Variants in PSME4 observed in about 807,000 individuals in gnomAD.
PSME4 encodes the protein proteasome activator complex subunit 4.
A neutral mutation model predicts 253.9 loss-of-function variants in PSME4; 89 were observed. The observed-to-expected ratio is 0.35, with a 90% CI of 0.30 to 0.42. PSME4 has a LOEUF of 0.42. PSME4 is among the 10% of genes least tolerant of loss of function. PSME4 has a pLI of 1.00. For missense variants in PSME4, 2,014 were observed against 2,195.2 expected (o/e 0.92, Z 1.65); for synonymous variants, 851 against 759.2 (o/e 1.12, Z -1.99).
chr2:53,922,993 C>G, intron 16 of PSME4, 56 bp downstream of exon 16: 1 of 1,311,380 alleles, frequency 7.6e-7, no homozygotes, highest in Non-Finnish European at 1.0e-6. Context: ...GTTTTAGAAA[C>G]CAAGAAAAAA....
chr2:53,962,943 G>C (rs1249055266), intron 1 of PSME4, among the ~76,000 whole-genome samples: 1 of 151,698 alleles, frequency 6.6e-6, no homozygotes, highest in Non-Finnish European at 1.5e-5. Flanking sequence ...CCAGGAAGTG[G>C]AGGCTGCAGT....
chr2:53,930,866 A>G (rs1668797897), intron 10 of PSME4, among the ~76,000 whole-genome samples: 1 of 152,228 alleles, frequency 6.6e-6, no homozygotes, highest in South Asian at 2.1e-4. Flanking sequence ...TTCCTCCTCT[A>G]TATTTGACAA....
rs901706688 is a variant in PSME4 at position 53,926,500 on chromosome 2, C to A, written c.1594-477G>T. Among the ~76,000 whole-genome samples the A allele has an allele frequency of 4.6e-5, 7 of 152,200 alleles. No individual in the cohort carries two copies. The Middle Eastern group carries it at 0.017, about 370-fold the overall frequency. ...ACCAGTCTGGCCAACATGGCAAAAC[C>A]CCATCGCTACTAAAAATACACATAT... On this transcript the variant is annotated intron_variant, in intron 12 of 46. Transcript: ENST00000404125.
intron 17 of PSME4, 110 bp from the exon 18 acceptor site, chr2:53,921,214 T>C: frequency 6.8e-7 from 1 of 1,468,522 alleles, no homozygotes; most frequent in Non-Finnish European, 9.1e-7. Flanking sequence ...TCTAAATGAC[T>C]TTAATTAATT....
intron 41 of PSME4, among the ~76,000 whole-genome samples, chr2:53,880,894 T>C (rs970131916): frequency 5.3e-5 from 8 of 152,088 alleles, no homozygotes; most frequent in African/African-American, 1.9e-4. Flanking sequence ...TAGTTAACTG[T>C]GGTATAAAAA....
Position 53,948,540 on chromosome 2 carries a change from A to G in PSME4, c.384-3T>C, listed in dbSNP as rs779523045. 3.2e-6 allele frequency: 5 copies of G among 1,559,280 alleles called. No individual in the cohort carries two copies. Among genetic ancestry groups the G allele is most frequent in the Middle Eastern group, 1.7e-4 (1 of 5,944 alleles). On this transcript the variant is annotated splice_polypyrimidine_tract_variant and splice_region_variant and intron_variant, in intron 2 of 46. Transcript: ENST00000404125. Reference sequence around the variant, plus strand: ...CTCTTGAAAGAAGTTCCTTTTTCCTAAAAAGTAAAATAAAATAAATACCTA... The same window carrying G: ...CTCTTGAAAGAAGTTCCTTTTTCCTGAAAAGTAAAATAAAATAAATACCTA...
Position 53,949,274 on chromosome 2 carries a change from T to A in PSME4, c.252A>T (p.Arg84=). The part of the protein sequence containing the change: ...FWTRKLSTYI[R]LYGRKFSKED... The stretch of plus-strand genomic sequence containing the variant: ...CTTTGCTAAATTTTCTCCCATAAAG[T>A]CGAATATATCTGCAAGAGAAAAATA... Residue 84 remains arginine (R), a synonymous_variant, in exon 2 of 47, where the codon CGA becomes CGT. Coordinates refer to ENST00000404125, the MANE Select transcript of PSME4 (RefSeq NM_014614.3). 1 of 1,588,218 alleles carries A rather than the reference T, an allele frequency of 6.3e-7. No individual in the cohort carries two copies. Among genetic ancestry groups the A allele is most frequent in the African/African-American group, 1.4e-5 (1 of 74,066 alleles).
intron 17 of PSME4, among the ~76,000 whole-genome samples, chr2:53,921,725 G>A (rs1401292077): frequency 1.3e-4 from 18 of 140,314 alleles, no homozygotes; most frequent in Non-Finnish European, 1.7e-4. Context: ...AAAATTAGCC[G>A]GGCGTAGTGG....
chr2:53,910,208 C>T (rs1667768385), intron 20 of PSME4, 78 bp from the exon 21 acceptor site: 3 of 1,134,134 alleles, frequency 2.6e-6, no homozygotes. Context: ...CATTGCTGGA[C>T]TGTTTAAACC....
intron 1 of PSME4, among the ~76,000 whole-genome samples, chr2:53,956,493 G>C (rs918038431): frequency 5.3e-5 from 8 of 151,816 alleles, no homozygotes; most frequent in Admixed American, 3.9e-4. Context: ...TCACGCCACT[G>C]CACTCCAGCC....
chr2:53,926,250 G>C (rs930529095), intron 12 of PSME4, among the ~76,000 whole-genome samples: 4 of 152,138 alleles, frequency 2.6e-5, no homozygotes, highest in African/African-American at 7.2e-5. Flanking sequence ...TATTTTACAA[G>C]GGCCAAATAC....
chr2:53,934,551 G>A, intron 8 of PSME4, 54 bp downstream of exon 8: 1 of 1,553,424 alleles, frequency 6.4e-7, no homozygotes, highest in Non-Finnish European at 8.8e-7. Context: ...ATTTTTGTAA[G>A]GTTAACACAA....
chr2:53,926,091 T>C (rs1018653992), intron 12 of PSME4, 68 bp from the exon 13 acceptor site: 1 of 1,280,410 alleles, frequency 7.8e-7, no homozygotes, highest in Admixed American at 1.7e-5. Flanking sequence ...CTAACAAAAC[T>C]CAATTATTGC....
chr2:53,874,320 T>C lies in PSME4; in HGVS notation c.5100+19A>G, dbSNP rs898971739. The C allele has an allele frequency of 3.1e-6, 5 of 1,599,626 alleles. No homozygotes were observed. Among genetic ancestry groups the C allele is most frequent in the Non-Finnish European group, 4.3e-6 (5 of 1,175,160 alleles). ...CTTTAAATTGACTGAATTTCCGTTT[T>C]CTATAACTTAAATTTTACCTCCAGT... On this transcript the variant is annotated intron_variant, in intron 43 of 46. Coordinates refer to ENST00000404125, the MANE Select transcript of PSME4 (RefSeq NM_014614.3).
At chr2:53,878,218 C>A (rs1278210244) in intron 41 of PSME4, among the ~76,000 whole-genome samples, 1 of 152,182 alleles carries the variant, frequency 6.6e-6, no homozygotes, top group Admixed American at 6.5e-5. Context: ...TTATGCCTGT[C>A]TTTACTGCAA....
At position 53,920,784 on chromosome 2, in the gene PSME4, T is replaced by A. The variant is rs146180980; in HGVS notation, c.2262+105A>T. ...TTCCAATAATAGTTTCAATAATCTA[T>A]CTTAAAAGTAAAAAACTAACATATG... is the stretch of plus-strand genomic sequence containing the variant. On this transcript the variant is annotated intron_variant, in intron 18 of 46. Transcript: ENST00000404125. The A allele has an allele frequency of 7.8e-4, 730 of 932,210 alleles. 2 individuals are homozygous for A. The African/African-American group carries it at 0.011, about 14-fold the overall frequency. The allele number at this position is 932,210 out of a possible 1,614,324, so 57.7% of individuals were successfully genotyped here.
At chr2:53,905,121 C>T (rs1336437750) in intron 26 of PSME4, among the ~76,000 whole-genome samples, 1 of 151,312 alleles carries the variant, frequency 6.6e-6, no homozygotes, top group Non-Finnish European at 1.5e-5. Context: ...CCTCCGCCTC[C>T]CAGGGTTCAA....
At chr2:53,913,094 A>C (rs1055945622) in intron 20 of PSME4, among the ~76,000 whole-genome samples, 4 of 152,214 alleles carry the variant, frequency 2.6e-5, no homozygotes, top group African/African-American at 7.2e-5. Context: ...AGTATCATTT[A>C]ACCTAAGGAA....
chr2:53,911,878 A>G (rs1246882791), intron 20 of PSME4, among the ~76,000 whole-genome samples: 1 of 152,216 alleles, frequency 6.6e-6, no homozygotes, highest in East Asian at 1.9e-4. Context: ...GGGAATTTAA[A>G]GTTTTTCAAA....
Sources: allele counts gnomAD v4.1 joint callset (sites outside exome capture counted in the v4.1 genomes callset), GRCh38; gene constraint gnomAD v4.1.1; transcripts MANE v1.5; gene names NCBI Gene and HGNC (gene_info 2026-07-23, HGNC 2026-07-21).